The following ACTR3 variants were observed in gnomAD, a reference collection of about 807,000 sequenced individuals.
ACTR3 encodes the protein actin related protein 3.
In ACTR3, 12 loss-of-function variants were observed where a neutral mutation model predicts 56.8. The observed-to-expected ratio is 0.21, with a 90% CI of 0.14 to 0.34. The LOEUF is 0.34. ACTR3 is among the 10% of genes least tolerant of loss of function. The pLI is 1.00. For synonymous variants in ACTR3, 162 were observed against 167.4 expected (o/e 0.97, Z 0.25); for missense variants, 282 against 512.5 (o/e 0.55, Z 4.34).
chr2:113,891,883 C>T (rs1678908826), intron 1 of ACTR3, among the ~76,000 whole-genome samples: 1 of 151,954 alleles, frequency 6.6e-6, no homozygotes, highest in African/African-American at 2.4e-5. Flanking sequence ...TTCTCTGAAC[C>T]AATAATTTTT....
At chr2:113,951,651 T>G in intron 9 of ACTR3, 69 bp from the exon 10 acceptor site, 1 of 1,479,796 alleles carries the variant, frequency 6.8e-7, no homozygotes, top group East Asian at 2.4e-5. Flanking sequence ...ATAATAGCAT[T>G]TCAGTACTAT....
intron 8 of ACTR3, 103 bp downstream of exon 8, chr2:113,942,462 A>C: frequency 1.3e-6 from 1 of 753,816 alleles, no homozygotes; most frequent in Non-Finnish European, 1.9e-6. Context: ...AGTACACTAA[A>C]AGTTTGAGTT....
At chr2:113,899,574 A>G (rs1679063856) in intron 1 of ACTR3, among the ~76,000 whole-genome samples, 2 of 152,174 alleles carry the variant, frequency 1.3e-5, no homozygotes, top group South Asian at 4.1e-4. Flanking sequence ...GCAGATTAAT[A>G]AGGGCTGTAG....
chr2:113,919,007 A>G (rs982681731), intron 3 of ACTR3, among the ~76,000 whole-genome samples: 35 of 152,236 alleles, frequency 2.3e-4, no homozygotes, highest in Admixed American at 1.3e-4. Flanking sequence ...AGAAAATAAT[A>G]TAATGAACCC....
At chr2:113,926,823 A>G (rs1341172339) in intron 3 of ACTR3, among the ~76,000 whole-genome samples, 1 of 152,222 alleles carries the variant, frequency 6.6e-6, no homozygotes, top group Non-Finnish European at 1.5e-5. Context: ...ATCTTAGCAC[A>G]CAGTTTTGGA....
intron 7 of ACTR3, among the ~76,000 whole-genome samples, chr2:113,941,398 T>G (rs1207616396): frequency 6.6e-6 from 1 of 152,208 alleles, no homozygotes; most frequent in African/African-American, 2.4e-5. Context: ...TCATTCTCAC[T>G]TCCAAGGTTT....
intron 1 of ACTR3, among the ~76,000 whole-genome samples, chr2:113,895,541 C>G (rs1217240234): frequency 6.6e-6 from 1 of 152,222 alleles, no homozygotes; most frequent in Non-Finnish European, 1.5e-5. Flanking sequence ...TATGAATATT[C>G]ATTTACATAG....
chr2:113,895,493 A>ACCCC (rs34184995), intron 1 of ACTR3, among the ~76,000 whole-genome samples: 2 of 152,032 alleles, frequency 1.3e-5, no homozygotes, highest in African/African-American at 4.8e-5. Context: ...CATCAGAAAC[A>ACCCC]CCCCATACCC....
chr2:113,892,775 A>T (rs1678930266), intron 1 of ACTR3, among the ~76,000 whole-genome samples: 1 of 152,204 alleles, frequency 6.6e-6, no homozygotes, highest in African/African-American at 2.4e-5. Flanking sequence ...AAAAGTTATA[A>T]CCTGAATCAG....
intron 1 of ACTR3, among the ~76,000 whole-genome samples, chr2:113,898,003 G>A (rs1679040751): frequency 6.6e-6 from 1 of 152,146 alleles, no homozygotes; most frequent in Non-Finnish European, 1.5e-5. Context: ...AGTATTTAGT[G>A]TAAAGGAGAG....
chr2:113,917,088 T>C (rs913288079), intron 3 of ACTR3, 80 bp downstream of exon 3: 6 of 1,185,482 alleles, frequency 5.1e-6, no homozygotes, highest in South Asian at 2.1e-5. Flanking sequence ...ATTCACTCTA[T>C]AATAGACCTT....
At position 113,961,587 on chromosome 2, in the gene ACTR3, C is replaced by CA. The variant is rs1354342318; in HGVS notation, c.*4133dup. ...TCTCTTTTATTCAAGCACCAACATT[C>CA]ACTTATATTACCTATATATTGCATC... On this transcript the variant is annotated 3_prime_UTR_variant, in exon 12 of 12. Transcript: ENST00000263238. The CA allele has an allele frequency of 6.6e-6, 1 of 151,952 alleles. No homozygotes were observed. The highest frequency in any genetic ancestry group is 1.5e-5 in the Non-Finnish European group (1 of 67,878). The allele number at this position is 151,952 out of a possible 1,614,324, so 9.4% of individuals were successfully genotyped here.
At chr2:113,937,752 G>A (rs1482414210) in intron 6 of ACTR3, among the ~76,000 whole-genome samples, 9 of 152,138 alleles carry the variant, frequency 5.9e-5, no homozygotes, top group Admixed American at 5.9e-4. Flanking sequence ...TTGGGTGGCT[G>A]TCTTCAAGAT....
chr2:113,952,057 T>C (rs1574385065), intron 10 of ACTR3: 1 of 614,668 alleles, frequency 1.6e-6, no homozygotes, highest in East Asian at 3.1e-5. Flanking sequence ...AAATAATTCT[T>C]AGTAATACCT....
chr2:113,920,090 AT>A (rs1220733133), intron 3 of ACTR3, among the ~76,000 whole-genome samples: 30 of 151,862 alleles, frequency 2.0e-4, no homozygotes, highest in Admixed American at 2.0e-3. Flanking sequence ...CGCCGGACTA[AT>A]TTTTGTGTTT....
At chr2:113,927,094 GA>G (rs1191959279) in intron 3 of ACTR3, among the ~76,000 whole-genome samples, 1 of 152,104 alleles carries the variant, frequency 6.6e-6, no homozygotes. Context: ...CTTCCATGTA[GA>G]TTTAACAGTT....
chr2:113,901,613 T>G (rs1679101584), intron 1 of ACTR3, among the ~76,000 whole-genome samples: 1 of 152,226 alleles, frequency 6.6e-6, no homozygotes, highest in Non-Finnish European at 1.5e-5. Flanking sequence ...CTTTAGTGGT[T>G]GTCAGTGTTA....
intron 11 of ACTR3, 38 bp downstream of exon 11, chr2:113,955,744 A>C (rs1337853488): frequency 1.3e-6 from 2 of 1,496,816 alleles, no homozygotes; most frequent in South Asian, 2.4e-5. Flanking sequence ...TTATTTTATC[A>C]TTATTATTTT....
rs1290051119 is a variant in ACTR3 at position 113,905,479 on chromosome 2, AT to A, written c.45-7683del. On this transcript the variant is annotated intron_variant, in intron 1 of 11. Transcript: ENST00000263238. The stretch of plus-strand genomic sequence containing the variant: ...GACTCCGTCTCAAAAAAAAAAAAAA[AT>A]TTTTTTTTTGTGGTATAATACTCAT... 2.1e-3 allele frequency among the ~76,000 whole-genome samples: 308 copies of A among 145,452 alleles called. 3 individuals carry two copies. The highest frequency in any genetic ancestry group is 3.9e-3 in the Non-Finnish European group (261 of 66,914).
Sources: gnomAD v4.1 joint callset for allele counts (sites outside exome capture counted in the v4.1 genomes callset) on GRCh38, gnomAD v4.1.1 for gene constraint, MANE v1.5 for transcripts, NCBI Gene and HGNC (gene_info 2026-07-23, HGNC 2026-07-21) for gene names.